Variants in LRRC8C observed in about 807,000 individuals in gnomAD.
LRRC8C encodes the protein volume-regulated anion channel subunit LRRC8C.
Under a neutral mutation model 55.3 loss-of-function variants are expected in LRRC8C, and 20 were observed. The observed-to-expected ratio is 0.36, with a 90% CI of 0.25 to 0.53. LRRC8C has a LOEUF of 0.53. Ranked by LOEUF, LRRC8C falls within the 20% of genes least tolerant of loss-of-function variation. The pLI is 0.92. For synonymous variants in LRRC8C, 376 were observed against 360.7 expected, an observed-to-expected ratio of 1.04 and a Z score of -0.48; for missense variants, 659 against 951.4, an observed-to-expected ratio of 0.69 and a Z score of 4.04.
the LRRC8C span, among the ~76,000 whole-genome samples, chr1:89,622,371 CGCCCA>C: frequency 2.7e-5 from 4 of 148,566 alleles, no homozygotes; most frequent in African/African-American, 1.0e-4. Context: ...CCCGCTCTGT[CGCCCA>C]GGCTGGAGTG....
chr1:89,621,423 C>T, the LRRC8C span, among the ~76,000 whole-genome samples: 2 of 151,142 alleles, frequency 1.3e-5, no homozygotes, highest in East Asian at 1.9e-4. Context: ...GAGCCGAGAT[C>T]GCCACTGCAC....
intron 1 of LRRC8C, among the ~76,000 whole-genome samples, chr1:89,643,269 G>T (rs1173848325): frequency 6.6e-6 from 1 of 152,168 alleles, no homozygotes; most frequent in Non-Finnish European, 1.5e-5. Flanking sequence ...TTTTTGTGGA[G>T]ACAGGGTTTC....
chr1:89,647,759 A>C (rs1030804677), intron 1 of LRRC8C, among the ~76,000 whole-genome samples: 1 of 152,206 alleles, frequency 6.6e-6, no homozygotes, highest in Non-Finnish European at 1.5e-5. Context: ...TTTCATACAA[A>C]TCACACAGGC....
intron 2 of LRRC8C, among the ~76,000 whole-genome samples, chr1:89,695,933 T>C (rs557559110): frequency 8.5e-5 from 13 of 152,258 alleles, no homozygotes; most frequent in African/African-American, 2.9e-4. Flanking sequence ...GGTGATAAAA[T>C]AGAAATGTAT....
At position 89,715,956 on chromosome 1, in the gene LRRC8C, A is replaced by T. The variant is rs768710898; in HGVS notation, c.*974A>T. The T allele has an allele frequency of 6.6e-6, 1 of 152,090 alleles. No individual in the cohort carries two copies. Among genetic ancestry groups the T allele is most frequent in the Non-Finnish European group, 1.5e-5 (1 of 68,006 alleles). The allele number at this position is 152,090 out of a possible 1,614,324, so 9.4% of individuals were successfully genotyped here. ...CAGTGTGGCAGTGGTAATCTATTCA[A>T]ATTTTGCCTGTTACACAAAATAATC... is the stretch of plus-strand genomic sequence containing the variant. On this transcript the variant is annotated 3_prime_UTR_variant, in exon 3 of 3. Transcript: ENST00000370454.
In LRRC8C at chr1:89,706,204, C is replaced by T. The variant is rs541396976; in HGVS notation, c.139-6505C>T. ...TATAGTAGATACTACTGCAGAATGA[C>T]TTTTCCTGAGGCACACTCAGAATTC... On this transcript the variant is annotated intron_variant, in intron 2 of 2. Coordinates refer to ENST00000370454, the MANE Select transcript of LRRC8C (RefSeq NM_032270.5). The T allele has an allele frequency of 2.0e-5, 9 of 440,660 alleles. No individual in the cohort carries two copies. The East Asian group carries it at 6.3e-4, about 31-fold the overall frequency. 27.3% of individuals were successfully genotyped at this position (440,660 alleles called of 1,614,324 possible).
In LRRC8C at chr1:89,714,448, T is replaced by A. The variant is rs1658751536; in HGVS notation, c.1878T>A (p.Ser626=). The A allele has an allele frequency of 8.1e-6, 13 of 1,614,074 alleles. No homozygotes were observed. The Admixed American group carries it at 1.2e-4, about 14-fold the overall frequency. Residue 626 remains serine, a synonymous_variant, in exon 3 of 3, where the codon TCT becomes TCA. Transcript: ENST00000370454. The surrounding 1 kb of genome is among the most constrained non-coding windows in gnomAD (Gnocchi z 4.6). ...ELDLKENNLK[S]IEEIVSFQHL... is the part of the protein sequence containing the mutation. ...ACCTGAAGGAAAACAATCTGAAATC[T>A]ATAGAAGAAATCGTTAGCTTTCAGC... is the stretch of plus-strand genomic sequence containing the variant.
intron 1 of LRRC8C, among the ~76,000 whole-genome samples, chr1:89,679,344 A>G (rs888375019): frequency 6.6e-6 from 1 of 152,124 alleles, no homozygotes; most frequent in African/African-American, 2.4e-5. Context: ...ACTTGAGACT[A>G]GGAGTTTGAG....
chr1:89,656,840 T>G (rs531212356), intron 1 of LRRC8C, among the ~76,000 whole-genome samples: 6 of 152,190 alleles, frequency 3.9e-5, no homozygotes, highest in Admixed American at 3.9e-4. Context: ...ATTCAAAGTT[T>G]ATTAAACAAT....
At chr1:89,622,335 A>C in the LRRC8C span, among the ~76,000 whole-genome samples, 31 of 145,480 alleles carry the variant, frequency 2.1e-4, no homozygotes, top group African/African-American at 7.5e-4. Flanking sequence ...TACATGTAAA[A>C]TTTTTTTTTT....
chr1:89,649,217 A>T (rs1656694587), intron 1 of LRRC8C, among the ~76,000 whole-genome samples: 1 of 152,210 alleles, frequency 6.6e-6, no homozygotes, highest in Non-Finnish European at 1.5e-5. Flanking sequence ...CTGTCTTTTT[A>T]ATGACGTTTA....
intron 2 of LRRC8C, among the ~76,000 whole-genome samples, chr1:89,704,198 A>G (rs1264795378): frequency 6.6e-6 from 1 of 152,146 alleles, no homozygotes; most frequent in Admixed American, 6.5e-5. Flanking sequence ...GACCTTTGCA[A>G]TGAACCCGCC....
intron 2 of LRRC8C, among the ~76,000 whole-genome samples, chr1:89,703,527 A>G (rs527829087): frequency 2.0e-5 from 3 of 151,656 alleles, no homozygotes; most frequent in South Asian, 2.1e-4. Flanking sequence ...ATATAAACAA[A>G]CACAATCAAG....
chr1:89,686,839 C>G (rs1177003158), intron 2 of LRRC8C, among the ~76,000 whole-genome samples: 3 of 152,294 alleles, frequency 2.0e-5, no homozygotes, highest in African/African-American at 7.2e-5. Context: ...GAGCAATTGA[C>G]TGTAGTCAAG....
At chr1:89,677,923 G>T (rs6688362) in intron 1 of LRRC8C, among the ~76,000 whole-genome samples, 150,115 of 152,352 alleles carry the variant, frequency 0.99, 73,983 homozygotes, top group Middle Eastern at 1. Flanking sequence ...TTGCCTTTTT[G>T]CTCCTGCTTT....
At chr1:89,675,245 G>A (rs1657520521) in intron 1 of LRRC8C, among the ~76,000 whole-genome samples, 1 of 152,100 alleles carries the variant, frequency 6.6e-6, no homozygotes, top group African/African-American at 2.4e-5. Context: ...CTAGGCCCCA[G>A]AGCAAGGAAT....
chr1:89,682,131 C>T (rs368049133), intron 1 of LRRC8C, among the ~76,000 whole-genome samples: 3 of 152,084 alleles, frequency 2.0e-5, no homozygotes, highest in Admixed American at 2.0e-4. Context: ...GAGCCGAGAT[C>T]GCGCCATTGC....
chr1:89,712,714 G>A lies in LRRC8C; in HGVS notation c.144G>A (p.Met48Ile), dbSNP rs1168346092. The part of the protein sequence containing the change: ...IGVFGCTLQV[M>I]QDKIICLPKR... Reference sequence around the variant, plus strand: ...ATATTATTTCCATGTTTCAGGTCATGCAAGACAAGATAATCTGCCTTCCGA... The same window carrying A: ...ATATTATTTCCATGTTTCAGGTCATACAAGACAAGATAATCTGCCTTCCGA... The change falls in exon 3 of 3, where the codon ATG becomes ATA. Residue 48 changes from methionine (M) to isoleucine (I), a missense_variant. Met to Ile is a conservative substitution (Grantham distance 10). This residue lies in a region of LRRC8C where 82 missense variants were observed against 71.4 expected (regional missense o/e 1.15). Coordinates refer to ENST00000370454, the MANE Select transcript of LRRC8C (RefSeq NM_032270.5). The A allele has an allele frequency of 1.2e-5, 19 of 1,611,280 alleles. No individual in the cohort carries two copies. The highest frequency in any genetic ancestry group is 1.6e-5 in the Non-Finnish European group (19 of 1,177,434).
rs1047289328 is a variant in LRRC8C at position 89,717,411 on chromosome 1, A to G, written c.*2429A>G. 6.6e-6 allele frequency: 1 copy of G among 152,140 alleles called. No homozygotes were observed. Among genetic ancestry groups the G allele is most frequent in the Non-Finnish European group, 1.5e-5 (1 of 67,998 alleles). 9.4% of individuals were successfully genotyped at this position (152,140 alleles called of 1,614,324 possible). ...AGGTCACTAATAATTCATTTTTATC[A>G]CTTGTAAAAATTTGCTCAAAATTCC... On this transcript the variant is annotated 3_prime_UTR_variant, in exon 3 of 3. Transcript: ENST00000370454.
Sources: allele counts gnomAD v4.1 joint callset (sites outside exome capture counted in the v4.1 genomes callset), GRCh38; gene constraint gnomAD v4.1.1; regional missense constraint gnomAD v4.1.1; non-coding constraint Gnocchi (gnomAD v3.1); transcripts MANE v1.5; gene names NCBI Gene and HGNC (gene_info 2026-07-23, HGNC 2026-07-21).